ZFAT: variants seen among roughly 807,000 people sequenced by gnomAD.
ZFAT encodes the protein zinc finger and AT-hook domain containing.
In ZFAT, 64 loss-of-function variants were observed where a neutral mutation model predicts 117.7. The observed-to-expected ratio is 0.54, with a 90% CI of 0.44 to 0.67. The LOEUF (loss-of-function observed/expected upper bound fraction) is 0.67. Ranked by LOEUF, ZFAT falls within the 30% of genes least tolerant of loss-of-function variation. The pLI is 0.00. For missense variants in ZFAT, 1,433 were observed against 1,584.5 expected (o/e 0.90, Z 1.62); for synonymous variants, 679 against 615.0 (o/e 1.10, Z -1.54).
In ZFAT at chr8:134,668,449, A is replaced by G. The variant is rs1008742606; in HGVS notation, c.20-10712T>C. Among the ~76,000 whole-genome samples, 60 of 152,246 alleles carry G rather than the reference A, an allele frequency of 3.9e-4. 2 individuals are homozygous for G. Among genetic ancestry groups the G allele is most frequent in the Non-Finnish European group, 1.5e-5 (1 of 68,044 alleles). On this transcript the variant is annotated intron_variant, in intron 1 of 15. Coordinates refer to ENST00000377838, the MANE Select transcript of ZFAT (RefSeq NM_020863.4). ...GCAGCAACATTTGCCATTCACCAAT[A>G]TCCGCTGTTCTGCAGCTTCCGCTGC... is the stretch of plus-strand genomic sequence containing the variant.
In ZFAT at chr8:134,669,359, C is replaced by T. The variant is rs141619046; in HGVS notation, c.20-11622G>A. 4.6e-3 allele frequency among the ~76,000 whole-genome samples: 702 copies of T among 152,264 alleles called. 3 individuals carry two copies. The highest frequency in any genetic ancestry group is 7.4e-3 in the Non-Finnish European group (501 of 68,020). On this transcript the variant is annotated intron_variant, in intron 1 of 15. Transcript: ENST00000377838. ...GTTAAGGGCACCCAGACAGAAAAGT[C>T]GGGTTACCCACAAAGGGAAGCCCAT...
At position 134,566,393 on chromosome 8, in the gene ZFAT, C is replaced by CAAAAAAAAAAAAAA. The variant is rs57041885; in HGVS notation, c.2888-986_2888-973dup. Among the ~76,000 whole-genome samples the CAAAAAAAAAAAAAA allele has an allele frequency of 4.9e-3, 375 of 77,012 alleles. 12 individuals are homozygous for CAAAAAAAAAAAAAA. Among genetic ancestry groups the CAAAAAAAAAAAAAA allele is most frequent in the East Asian group, 0.018 (27 of 1,502 alleles). The allele number at this position is 77,012 out of a possible 152,430, so 50.5% of individuals were successfully genotyped here. On this transcript the variant is annotated intron_variant, in intron 10 of 15. Transcript: ENST00000377838. Reference sequence around the variant, plus strand: ...TGGGCGACAGAGCAAGACTCCAACTCAAAAAAAAAAAAAAAAAGATTAAGG... The same window carrying CAAAAAAAAAAAAAA: ...TGGGCGACAGAGCAAGACTCCAACTCAAAAAAAAAAAAAAAAAAAAAAAAAAAAAAAGATTAAGG...
chr8:134,562,000 G>A (rs573661940), intron 11 of ZFAT, among the ~76,000 whole-genome samples: 50 of 152,142 alleles, frequency 3.3e-4, no homozygotes, highest in Admixed American at 2.3e-3. Flanking sequence ...GCGGTATTAA[G>A]GTTACTAATC....
intron 12 of ZFAT, 71 bp from the exon 13 acceptor site, chr8:134,521,072 T>C: frequency 1.8e-6 from 2 of 1,102,380 alleles, no homozygotes; most frequent in East Asian, 2.5e-5. Flanking sequence ...TTCCTCCTCC[T>C]GTTCAAATGC....
At chr8:134,590,450 A>G in intron 7 of ZFAT, 95 bp from the exon 8 acceptor site, 1 of 850,912 alleles carries the variant, frequency 1.2e-6, no homozygotes, top group Non-Finnish European at 1.9e-6. Flanking sequence ...ACCCACCACC[A>G]CCACCACTAC....
intron 9 of ZFAT, among the ~76,000 whole-genome samples, chr8:134,587,572 G>A (rs1646216657): frequency 6.6e-6 from 1 of 152,130 alleles, no homozygotes; most frequent in African/African-American, 2.4e-5. Context: ...GCTTTCCCTG[G>A]CCCCTTGTCT....
chr8:134,737,312 AAAT>A, the ZFAT span, among the ~76,000 whole-genome samples: 60,574 of 151,230 alleles, frequency 0.4, 12,347 homozygotes, highest in African/African-American at 0.45. Context: ...AAAAATAAAA[AAAT>A]AAAAATGTAG....
At chr8:134,595,813 T>C (rs1457793361) in intron 7 of ZFAT, among the ~76,000 whole-genome samples, 2 of 152,234 alleles carry the variant, frequency 1.3e-5, no homozygotes, top group Non-Finnish European at 2.9e-5. Flanking sequence ...GGCTAATAAA[T>C]GGCTCTAAGA....
intron 11 of ZFAT, chr8:134,564,880 C>T: frequency 3.9e-6 from 4 of 1,035,040 alleles, no homozygotes; most frequent in Non-Finnish European, 4.9e-6. Context: ...CTCCTGAGCC[C>T]CTGCAACATG....
the ZFAT span, chr8:134,793,933 G>A: frequency 6.6e-6 from 1 of 152,114 alleles, no homozygotes; most frequent in African/African-American, 2.4e-5. Flanking sequence ...CAGAGGAAAA[G>A]GAATTTACAA....
chr8:134,808,770 A>G, the ZFAT span, among the ~76,000 whole-genome samples: 4 of 152,226 alleles, frequency 2.6e-5, no homozygotes, highest in Non-Finnish European at 4.4e-5. Flanking sequence ...ATAACTGAGA[A>G]GTAGGCAAGA....
At chr8:134,550,324 A>C (rs1159249828) in intron 11 of ZFAT, among the ~76,000 whole-genome samples, 3 of 151,284 alleles carry the variant, frequency 2.0e-5, no homozygotes, top group African/African-American at 7.3e-5. Flanking sequence ...AAAAAAAAAA[A>C]AAAAAAAACA....
At chr8:134,705,079 A>T (rs1227155579) in intron 1 of ZFAT, among the ~76,000 whole-genome samples, 2 of 152,230 alleles carry the variant, frequency 1.3e-5, no homozygotes, top group African/African-American at 4.8e-5. Context: ...AGAAATTGGG[A>T]GAAAATATTC....
At chr8:134,599,551 A>G (rs1200881830) in intron 7 of ZFAT, 3 of 328,258 alleles carry the variant, frequency 9.1e-6, no homozygotes, top group African/African-American at 4.5e-5. Flanking sequence ...GAATCCAGGT[A>G]TCCAACCCCA....
At chr8:134,610,695 T>C (rs1828267330) in intron 3 of ZFAT, 40 bp from the exon 4 acceptor site, 1 of 1,605,182 alleles carries the variant, frequency 6.2e-7, no homozygotes, top group African/African-American at 1.3e-5. Context: ...TATCCTTTTA[T>C]ATCAGTGGCA....
At chr8:134,609,195 CAT>C (rs1408357607) in intron 4 of ZFAT, among the ~76,000 whole-genome samples, 1 of 151,676 alleles carries the variant, frequency 6.6e-6, no homozygotes, top group Non-Finnish European at 1.5e-5. Context: ...TATACATATA[CAT>C]ATATATGTTA....
rs1821545476 is a variant in ZFAT, at chr8:134,533,009, C to T, written c.2977-37G>A. On this transcript the variant is annotated intron_variant, in intron 11 of 15. Coordinates refer to ENST00000377838, the MANE Select transcript of ZFAT (RefSeq NM_020863.4). Reference sequence around the variant, plus strand: ...ATGAGGAGGGGTTAGGAAAGGTGAGCCCCAGATGTCTGCCTTCGCTGCTGC... The same window carrying T: ...ATGAGGAGGGGTTAGGAAAGGTGAGTCCCAGATGTCTGCCTTCGCTGCTGC... The T allele has an allele frequency of 2.5e-6, 4 of 1,573,540 alleles. No homozygotes were observed. In the South Asian group the frequency reaches 3.5e-5, roughly 14 times the overall value.
At chr8:134,527,807 T>C (rs1345569401) in intron 12 of ZFAT, among the ~76,000 whole-genome samples, 1 of 152,132 alleles carries the variant, frequency 6.6e-6, no homozygotes, top group Non-Finnish European at 1.5e-5. Flanking sequence ...CCAAACCCAA[T>C]AAGAAACACT....
chr8:134,649,413 T>A (rs911431802), intron 2 of ZFAT, among the ~76,000 whole-genome samples: 3 of 152,178 alleles, frequency 2.0e-5, no homozygotes, highest in African/African-American at 7.2e-5. Context: ...TAAAGACTCC[T>A]GAGGAATACA....
Sources: gnomAD v4.1 joint callset for allele counts (sites outside exome capture counted in the v4.1 genomes callset) on GRCh38, gnomAD v4.1.1 for gene constraint, MANE v1.5 for transcripts, NCBI Gene and HGNC (gene_info 2026-07-23, HGNC 2026-07-21) for gene names.